MAP2K5: variants seen among roughly 807,000 people sequenced by gnomAD.
The protein encoded by MAP2K5 is mitogen-activated protein kinase kinase 5, also known as dual specificity mitogen-activated protein kinase kinase 5.
In MAP2K5, 49 loss-of-function variants were observed where a neutral mutation model predicts 83.1. That is an observed-to-expected ratio of 0.59 (90% confidence interval 0.47 to 0.75). The LOEUF is 0.75. Among genes scored for constraint, MAP2K5 ranks in the 30% least tolerant of loss-of-function variants. The probability of loss-of-function intolerance (pLI) is 0.00; values close to 1 mark genes in which losing one functional copy is unlikely to be tolerated. For synonymous variants in MAP2K5, 202 were observed against 191.8 expected, an observed-to-expected ratio of 1.05 and a Z score of -0.44; for missense variants, 457 against 557.5, an observed-to-expected ratio of 0.82 and a Z score of 1.82.
chr15:67,547,460 T>C (rs867715124), intron 1 of MAP2K5, among the ~76,000 whole-genome samples: 14 of 149,584 alleles, frequency 9.4e-5, no homozygotes, highest in Admixed American at 4.0e-4. Context: ...TTTTTCTTTT[T>C]TTTTTTTTTT....
intron 8 of MAP2K5, among the ~76,000 whole-genome samples, chr15:67,601,807 C>G (rs2085665058): frequency 6.6e-6 from 1 of 152,216 alleles, no homozygotes; most frequent in Admixed American, 6.5e-5. Context: ...ATTTCTCAGG[C>G]TTAGAAGCTC....
At position 67,781,866 on chromosome 15, in the gene MAP2K5, G is replaced by A. The variant is rs1250445930; in HGVS notation, c.1242+9114G>A. Reference sequence around the variant, plus strand: ...ATTAATAGCAGGACTTTCTAATTGTGGGATTGGTGTGGCATTGACAAAAAT... The same window carrying A: ...ATTAATAGCAGGACTTTCTAATTGTAGGATTGGTGTGGCATTGACAAAAAT... On this transcript the variant is annotated intron_variant, in intron 21 of 21. Coordinates refer to ENST00000178640, the MANE Select transcript of MAP2K5 (RefSeq NM_145160.3). The surrounding 1 kb of genome is among the most constrained non-coding windows in gnomAD (Gnocchi z 4.0). Among the ~76,000 whole-genome samples, 1 of 152,172 alleles carries A rather than the reference G, an allele frequency of 6.6e-6. No homozygotes were observed. The highest frequency in any genetic ancestry group is 1.5e-5 in the Non-Finnish European group (1 of 68,026).
chr15:67,630,834 T>C (rs2086455622), intron 8 of MAP2K5, 54 bp from the exon 9 acceptor site: 1 of 1,340,964 alleles, frequency 7.5e-7, no homozygotes, highest in Non-Finnish European at 1.1e-6. Context: ...TCCTTAACCA[T>C]TTTGTAGGTT....
rs2090821534 is a variant in MAP2K5 at position 67,806,823 on chromosome 15, T to C, written c.*73T>C. On this transcript the variant is annotated 3_prime_UTR_variant, in exon 22 of 22. Transcript: ENST00000178640. ...AACCCACCCGTCGCCCTTCTCCGTATGCTGCCTGCGCCAGAAGAGCTTTGC... is the reference window on the plus strand; with the variant it reads ...AACCCACCCGTCGCCCTTCTCCGTACGCTGCCTGCGCCAGAAGAGCTTTGC... 2.5e-6 allele frequency: 4 copies of C among 1,598,074 alleles called. No homozygotes were observed. The highest frequency in any genetic ancestry group is 3.4e-6 in the Non-Finnish European group (4 of 1,179,388).
chr15:67,710,103 C>A (rs888069163), intron 16 of MAP2K5, among the ~76,000 whole-genome samples: 20 of 152,180 alleles, frequency 1.3e-4, no homozygotes, highest in African/African-American at 4.3e-4. Flanking sequence ...TTCAAGCGAT[C>A]CTCCCTCCTC....
In MAP2K5 at chr15:67,785,377, G is replaced by A. The variant is rs1463100510; in HGVS notation, c.1242+12625G>A. On this transcript the variant is annotated intron_variant, in intron 21 of 21. Coordinates refer to ENST00000178640, the MANE Select transcript of MAP2K5 (RefSeq NM_145160.3). This position sits in a 1 kb window ranked among gnomAD's most constrained non-coding sequence, Gnocchi z 4.4. ...GTTGTGAGCGAAGAAAGCTGTTTGCGGTTCACATTGCAGCATGGCTACTTG... is the reference window on the plus strand; with the variant it reads ...GTTGTGAGCGAAGAAAGCTGTTTGCAGTTCACATTGCAGCATGGCTACTTG... 1.3e-5 allele frequency among the ~76,000 whole-genome samples: 2 copies of A among 152,124 alleles called. No individual in the cohort carries two copies. Among genetic ancestry groups the A allele is most frequent in the Non-Finnish European group, 2.9e-5 (2 of 68,022 alleles).
At chr15:67,803,787 G>A (rs2090747727) in intron 21 of MAP2K5, among the ~76,000 whole-genome samples, 1 of 152,216 alleles carries the variant, frequency 6.6e-6, no homozygotes, top group South Asian at 2.1e-4. Flanking sequence ...CCTCTGGCTA[G>A]GCAGGCCTGA....
intron 16 of MAP2K5, among the ~76,000 whole-genome samples, chr15:67,711,217 G>T (rs2088684056): frequency 1.3e-5 from 2 of 152,140 alleles, no homozygotes; most frequent in Admixed American, 1.3e-4. Context: ...TCCTACTTTT[G>T]TAATGGTTTT....
At position 67,774,802 on chromosome 15, in the gene MAP2K5, G is replaced by T. The variant is rs145447804; in HGVS notation, c.1242+2050G>T. Among the ~76,000 whole-genome samples, 45 of 152,362 alleles carry T rather than the reference G, an allele frequency of 3.0e-4. No individual in the cohort carries two copies. Among genetic ancestry groups the T allele is most frequent in the African/African-American group, 1.0e-3 (42 of 41,582 alleles). On this transcript the variant is annotated intron_variant, in intron 21 of 21. Coordinates refer to ENST00000178640, the MANE Select transcript of MAP2K5 (RefSeq NM_145160.3). The surrounding 1 kb of genome is among the most constrained non-coding windows in gnomAD (Gnocchi z 4.9). The stretch of plus-strand genomic sequence containing the variant: ...ACAAAAAGAGCAGTTTATCTCCCAA[G>T]CATGGTAACTCCAGCCAGCAGGGTA...
chr15:67,658,512 G>C, intron 11 of MAP2K5, 41 bp from the exon 12 acceptor site: 1 of 1,490,798 alleles, frequency 6.7e-7, no homozygotes, highest in East Asian at 2.3e-5. Context: ...CATTGTTCTG[G>C]TAATTTCATT....
At chr15:67,633,607 G>T (rs1183955549) in intron 9 of MAP2K5, among the ~76,000 whole-genome samples, 1 of 152,110 alleles carries the variant, frequency 6.6e-6, no homozygotes, top group African/African-American at 2.4e-5. Context: ...AAAATAGTTG[G>T]GATTTACAAA....
intron 17 of MAP2K5, among the ~76,000 whole-genome samples, chr15:67,735,156 T>G (rs1871256468): frequency 6.6e-6 from 1 of 152,230 alleles, no homozygotes; most frequent in Admixed American, 6.5e-5. Flanking sequence ...ATATCTATTG[T>G]GTACTTATCA....
rs902760904 is a variant in MAP2K5 at position 67,543,565 on chromosome 15, A to G, written c.135+95A>G. The G allele has an allele frequency of 1.7e-5, 25 of 1,429,370 alleles. No individual in the cohort carries two copies. Among genetic ancestry groups the G allele is most frequent in the Middle Eastern group, 2.2e-4 (1 of 4,544 alleles). The allele number at this position is 1,429,370 out of a possible 1,614,324, so 88.5% of individuals were successfully genotyped here. A position where few individuals can be genotyped will look rare whatever the true frequency, so the allele number is the denominator to read the frequency against. ...CCACTGGTGACCTGAGCCAGTGGCA[A>G]TGGCTACTGCTGGCTTCCTGTGGAG... On this transcript the variant is annotated intron_variant, in intron 1 of 21. Coordinates refer to ENST00000178640, the MANE Select transcript of MAP2K5 (RefSeq NM_145160.3). The surrounding 1 kb of genome is among the most constrained non-coding windows in gnomAD (Gnocchi z 4.3).
chr15:67,549,848 C>T (rs1432977230), intron 1 of MAP2K5, among the ~76,000 whole-genome samples, 186 bp from the exon 2 acceptor site: 2 of 152,054 alleles, frequency 1.3e-5, no homozygotes, highest in Non-Finnish European at 2.9e-5. Flanking sequence ...ATTTTTCTTC[C>T]TGGAATAGAG....
At chr15:67,798,376 T>G (rs1052005367) in intron 21 of MAP2K5, among the ~76,000 whole-genome samples, 1 of 152,218 alleles carries the variant, frequency 6.6e-6, no homozygotes, top group Admixed American at 6.5e-5. Flanking sequence ...GGCACAATTC[T>G]GCCATTCACA....
chr15:67,606,448 T>C (rs1255680068), intron 8 of MAP2K5, among the ~76,000 whole-genome samples: 1 of 152,230 alleles, frequency 6.6e-6, no homozygotes, highest in Non-Finnish European at 1.5e-5. Flanking sequence ...CATGGTGTTT[T>C]GAAGGTTGAA....
intron 16 of MAP2K5, among the ~76,000 whole-genome samples, chr15:67,718,454 C>CT (rs2088876952): frequency 6.6e-6 from 1 of 152,090 alleles, no homozygotes; most frequent in South Asian, 2.1e-4. Flanking sequence ...GCAGTTAACT[C>CT]TAATCATTTT....
intron 16 of MAP2K5, among the ~76,000 whole-genome samples, chr15:67,710,665 G>A (rs1370169210): frequency 3.3e-5 from 5 of 151,948 alleles, no homozygotes; most frequent in Admixed American, 2.0e-4. Flanking sequence ...CACCACGCCC[G>A]GCTGATTTTT....
At chr15:67,631,298 T>C (rs1053970587) in intron 9 of MAP2K5, among the ~76,000 whole-genome samples, 4 of 152,238 alleles carry the variant, frequency 2.6e-5, no homozygotes, top group African/African-American at 9.6e-5. Context: ...GTTAGAATTT[T>C]TCCCTGAAAT....
Sources: allele counts gnomAD v4.1 joint callset (sites outside exome capture counted in the v4.1 genomes callset), GRCh38; gene constraint gnomAD v4.1.1; non-coding constraint Gnocchi (gnomAD v3.1); transcripts MANE v1.5; gene names NCBI Gene and HGNC (gene_info 2026-07-23, HGNC 2026-07-21).